Variants in GRID2 observed in about 807,000 individuals in gnomAD.
GRID2 encodes glutamate ionotropic receptor delta type subunit 2, also known as glutamate receptor ionotropic, delta-2.
GRID2 carries 33 observed loss-of-function variants against 114.8 expected under a neutral mutation model. That is an observed-to-expected ratio of 0.29 (90% CI 0.22 to 0.38). The LOEUF (loss-of-function observed/expected upper bound fraction) is 0.38. Among genes scored for constraint, GRID2 ranks in the 10% least tolerant of loss-of-function variants. The probability of loss-of-function intolerance (pLI) is 1.00; values close to 1 mark genes in which losing one functional copy is unlikely to be tolerated. For synonymous variants in GRID2, 505 were observed against 449.9 expected, an observed-to-expected ratio of 1.12 and a Z score of -1.55; for missense variants, 1,184 against 1,257.7, an observed-to-expected ratio of 0.94 and a Z score of 0.89.
At chr4:93,320,124 G>T (rs539099190) in intron 8 of GRID2, among the ~76,000 whole-genome samples, 1 of 152,070 alleles carries the variant, frequency 6.6e-6, no homozygotes, top group Non-Finnish European at 1.5e-5. Context: ...GGAATAAAGC[G>T]AAAGAAAGGC....
At chr4:92,825,147 A>G (rs746442841) in intron 2 of GRID2, among the ~76,000 whole-genome samples, 10 of 152,156 alleles carry the variant, frequency 6.6e-5, no homozygotes, top group Non-Finnish European at 1.5e-4. Context: ...CTTCTGATTT[A>G]GTTCATGTAT....
intron 2 of GRID2, among the ~76,000 whole-genome samples, chr4:92,974,086 A>G (rs1323680427): frequency 6.6e-6 from 1 of 152,234 alleles, no homozygotes; most frequent in East Asian, 1.9e-4. Flanking sequence ...ATAGGAAAAA[A>G]TGCTCATCAT....
chr4:93,246,630 A>G (rs1748245417), intron 8 of GRID2, among the ~76,000 whole-genome samples: 1 of 151,928 alleles, frequency 6.6e-6, no homozygotes, highest in Non-Finnish European at 1.5e-5. Flanking sequence ...TTATGAAGTA[A>G]TAGTATGTTG....
chr4:93,666,402 G>A (rs1723951329), intron 14 of GRID2, among the ~76,000 whole-genome samples: 1 of 152,022 alleles, frequency 6.6e-6, no homozygotes, highest in South Asian at 2.1e-4. Flanking sequence ...CTACGGTAGT[G>A]ATATTTTTCA....
intron 2 of GRID2, among the ~76,000 whole-genome samples, chr4:92,772,394 C>G (rs1283863549): frequency 6.6e-6 from 1 of 152,074 alleles, no homozygotes; most frequent in Non-Finnish European, 1.5e-5. Flanking sequence ...CTGTGCCCTA[C>G]TCTCTTTCTT....
chr4:92,924,079 A>G (rs1047052337), intron 2 of GRID2, among the ~76,000 whole-genome samples: 16 of 152,194 alleles, frequency 1.1e-4, no homozygotes, highest in African/African-American at 3.6e-4. Context: ...ATAAAAAAGG[A>G]TAAGTTCGTG....
intron 10 of GRID2, among the ~76,000 whole-genome samples, chr4:93,439,476 C>T (rs1721422829): frequency 6.6e-6 from 1 of 152,050 alleles, no homozygotes; most frequent in African/African-American, 2.4e-5. Context: ...ACCTGAGGAA[C>T]ATTCTCATGG....
intron 4 of GRID2, among the ~76,000 whole-genome samples, chr4:93,202,725 C>A (rs1431199335): frequency 1.3e-5 from 2 of 151,992 alleles, no homozygotes; most frequent in Non-Finnish European, 2.9e-5. Flanking sequence ...TAATAGTTGT[C>A]TTCTGTTATC....
intron 1 of GRID2, among the ~76,000 whole-genome samples, chr4:92,511,196 A>G (rs1454484386): frequency 6.6e-6 from 1 of 151,866 alleles, no homozygotes; most frequent in Admixed American, 6.6e-5. Flanking sequence ...ATCATGGCAG[A>G]AGGTGAAGAG....
At chr4:93,011,566 C>A (rs983197536) in intron 2 of GRID2, among the ~76,000 whole-genome samples, 1 of 152,034 alleles carries the variant, frequency 6.6e-6, no homozygotes, top group African/African-American at 2.4e-5. Context: ...AAAATACTTA[C>A]CATTTCAGAG....
chr4:93,803,374 G>A (rs1164818679), intron 1 of GRID2, among the ~76,000 whole-genome samples: 1 of 152,080 alleles, frequency 6.6e-6, no homozygotes, highest in East Asian at 1.9e-4. Flanking sequence ...AATTAAGCAC[G>A]AGTACCAATT....
At chr4:93,236,365 C>T (rs1746796653) in intron 7 of GRID2, among the ~76,000 whole-genome samples, 1 of 152,030 alleles carries the variant, frequency 6.6e-6, no homozygotes, top group Admixed American at 6.6e-5. Flanking sequence ...TTTCTTCCCA[C>T]ACTGGAAATG....
At chr4:93,080,172 C>A (rs1301316454) in intron 2 of GRID2, among the ~76,000 whole-genome samples, 1 of 151,976 alleles carries the variant, frequency 6.6e-6, no homozygotes, top group Non-Finnish European at 1.5e-5. Flanking sequence ...TTTTGTGTTA[C>A]TGTATTCCTA....
intron 2 of GRID2, among the ~76,000 whole-genome samples, chr4:92,708,133 C>G (rs1272594016): frequency 6.6e-6 from 1 of 152,062 alleles, no homozygotes; most frequent in Admixed American, 6.6e-5. Context: ...TCTAGGAGTC[C>G]ACATAGTCCA....
intron 12 of GRID2, among the ~76,000 whole-genome samples, chr4:93,504,451 T>C (rs765903047): frequency 2.0e-4 from 31 of 152,108 alleles, no homozygotes; most frequent in Middle Eastern, 3.4e-3. Flanking sequence ...AATATGCAGA[T>C]TACTCTATAT....
At chr4:93,232,041 G>A (rs1746208412) in intron 7 of GRID2, among the ~76,000 whole-genome samples, 1 of 152,126 alleles carries the variant, frequency 6.6e-6, no homozygotes, top group African/African-American at 2.4e-5. Context: ...ATATCTATTA[G>A]ACTAAATCAT....
intron 2 of GRID2, among the ~76,000 whole-genome samples, chr4:92,801,590 T>A (rs1740173971): frequency 6.6e-6 from 1 of 151,892 alleles, no homozygotes; most frequent in African/African-American, 2.4e-5. Flanking sequence ...TCAAATTGAT[T>A]ACTTCACTTA....
rs530290024 is a variant in GRID2, at chr4:92,955,749, G to A, written c.245-129246G>A. Among the ~76,000 whole-genome samples the A allele has an allele frequency of 3.9e-5, 6 of 152,188 alleles. No homozygotes were observed. In the East Asian group the frequency reaches 1.2e-3, roughly 29 times the overall value. ...TTCTTCTAGGGTTTTTATGGTTTTA[G>A]GTCTAACGTTTAAGTCTTTAATCCA... On this transcript the variant is annotated intron_variant, in intron 2 of 15. Coordinates refer to ENST00000282020, the MANE Select transcript of GRID2 (RefSeq NM_001510.4).
At chr4:92,852,157 T>C (rs1204448513) in intron 2 of GRID2, among the ~76,000 whole-genome samples, 2 of 151,944 alleles carry the variant, frequency 1.3e-5, no homozygotes, top group African/African-American at 4.8e-5. Context: ...TTTCTCTGTA[T>C]GTGGAGGGGG....
Sources: allele counts gnomAD v4.1 joint callset (sites outside exome capture counted in the v4.1 genomes callset), GRCh38; gene constraint gnomAD v4.1.1; transcripts MANE v1.5; gene names NCBI Gene and HGNC (gene_info 2026-07-23, HGNC 2026-07-21).